The following PTPRM variants were observed in gnomAD, a reference collection of about 807,000 sequenced individuals.
PTPRM encodes receptor-type tyrosine-protein phosphatase mu.
In PTPRM, 47 loss-of-function variants were observed where a neutral mutation model predicts 186.7. The observed-to-expected ratio is 0.25, with a 90% CI of 0.20 to 0.32. The LOEUF is 0.32. Ranked by LOEUF, PTPRM falls within the 10% of genes least tolerant of loss-of-function variation. The probability of loss-of-function intolerance (pLI) is 1.00; values close to 1 mark genes in which losing one functional copy is unlikely to be tolerated. For synonymous variants in PTPRM, 668 were observed against 674.9 expected (o/e 0.99, Z 0.16); for missense variants, 1,494 against 1,865.0 (o/e 0.80, Z 3.66).
chr18:8,025,023 A>T (rs544306341), intron 7 of PTPRM, among the ~76,000 whole-genome samples: 1 of 152,122 alleles, frequency 6.6e-6, no homozygotes, highest in African/African-American at 2.4e-5. Context: ...CTTACTTTAT[A>T]TGCAGAACTA....
At chr18:8,000,409 G>T (rs370924909) in intron 7 of PTPRM, among the ~76,000 whole-genome samples, 2 of 152,164 alleles carry the variant, frequency 1.3e-5, no homozygotes, top group Non-Finnish European at 2.9e-5. Flanking sequence ...CTCTTTTGAT[G>T]TATAATGGTC....
At chr18:7,713,713 A>T (rs910862756) in intron 1 of PTPRM, among the ~76,000 whole-genome samples, 1 of 145,378 alleles carries the variant, frequency 6.9e-6, no homozygotes, top group Non-Finnish European at 1.5e-5. Context: ...AAAAAAAAAA[A>T]GGAGGGGTCG....
chr18:8,188,884 G>T (rs901318071), intron 14 of PTPRM, among the ~76,000 whole-genome samples: 4 of 152,134 alleles, frequency 2.6e-5, no homozygotes. Flanking sequence ...AAATTTTATG[G>T]CATAAATATA....
At chr18:8,114,914 CT>C (rs3214345) in intron 13 of PTPRM, 87 bp downstream of exon 13, 18,091 of 1,039,666 alleles carry the variant, frequency 0.017, 270 homozygotes, top group South Asian at 0.048. Context: ...TGAACTGGAA[CT>C]TAATTGAAAA....
chr18:8,312,585 T>C (rs1044733027), intron 20 of PTPRM, among the ~76,000 whole-genome samples: 7 of 152,150 alleles, frequency 4.6e-5, no homozygotes, highest in Non-Finnish European at 8.8e-5. Flanking sequence ...TGTATTATTT[T>C]GATGCTCACA....
intron 20 of PTPRM, among the ~76,000 whole-genome samples, chr18:8,299,616 A>G (rs1331401523): frequency 6.6e-6 from 1 of 152,172 alleles, no homozygotes; most frequent in African/African-American, 2.4e-5. Context: ...GGAAGATAAT[A>G]AAACACAAGA....
At position 8,176,323 on chromosome 18, in the gene PTPRM, G is replaced by A. The variant is rs185168632; in HGVS notation, c.2300+32544G>A. ...CTACTGCAATCTCAAAAAATAGGCC[G>A]AATAGCCATCTATTGCCAGTGATTT... On this transcript the variant is annotated intron_variant, in intron 14 of 32. Coordinates refer to ENST00000580170, the MANE Select transcript of PTPRM (RefSeq NM_001105244.2). Among the ~76,000 whole-genome samples the A allele has an allele frequency of 3.7e-4, 56 of 152,278 alleles. 2 individuals are homozygous for A. The highest frequency in any genetic ancestry group is 6.8e-3 in the Middle Eastern group (2 of 294).
At chr18:8,391,270 G>T (rs1251479127) in intron 31 of PTPRM, among the ~76,000 whole-genome samples, 1 of 152,178 alleles carries the variant, frequency 6.6e-6, no homozygotes, top group Non-Finnish European at 1.5e-5. Flanking sequence ...AGAAATGACT[G>T]CAGAAATGAA....
intron 22 of PTPRM, among the ~76,000 whole-genome samples, chr18:8,342,114 G>A (rs944649211): frequency 1.3e-5 from 2 of 152,196 alleles, no homozygotes; most frequent in Non-Finnish European, 2.9e-5. Flanking sequence ...GGCCTGGACA[G>A]GGAGGAAGGA....
intron 2 of PTPRM, among the ~76,000 whole-genome samples, chr18:7,789,154 C>T (rs561144269): frequency 6.6e-6 from 1 of 152,052 alleles, no homozygotes; most frequent in South Asian, 2.1e-4. Flanking sequence ...AGACCTGTCT[C>T]TACAAAAATA....
chr18:7,727,727 A>G (rs144811503), intron 1 of PTPRM, among the ~76,000 whole-genome samples: 2 of 152,360 alleles, frequency 1.3e-5, no homozygotes, highest in African/African-American at 4.8e-5. Context: ...GAATGGATAA[A>G]TAGGTTTTCC....
At chr18:7,851,828 TAATG>T (rs1193854846) in intron 2 of PTPRM, among the ~76,000 whole-genome samples, 3 of 152,134 alleles carry the variant, frequency 2.0e-5, no homozygotes, top group Non-Finnish European at 2.9e-5. Context: ...TTCTAAGTAA[TAATG>T]GTTTTTTGGG....
At chr18:8,327,033 CT>C (rs1364722860) in intron 22 of PTPRM, among the ~76,000 whole-genome samples, 3 of 152,136 alleles carry the variant, frequency 2.0e-5, no homozygotes, top group Non-Finnish European at 1.5e-5. Flanking sequence ...TGTAAGTAGT[CT>C]TATGTAAACC....
At chr18:7,586,248 T>C (rs2036976083) in intron 1 of PTPRM, among the ~76,000 whole-genome samples, 1 of 152,066 alleles carries the variant, frequency 6.6e-6, no homozygotes, top group Admixed American at 6.6e-5. Flanking sequence ...TGTTTCAATA[T>C]CCGGGATCTT....
rs898652842 is a variant in PTPRM at position 7,568,114 on chromosome 18, G to A, written c.73+223G>A. ...GGCGGGCGGAGCGGACGGACCCCGA[G>A]GGCGAGCTCCCCAGCCGGGACTGCC... On this transcript the variant is annotated intron_variant, in intron 1 of 32. Coordinates refer to ENST00000580170, the MANE Select transcript of PTPRM (RefSeq NM_001105244.2). This position sits in a 1 kb window ranked among gnomAD's most constrained non-coding sequence, Gnocchi z 5.1. Among the ~76,000 whole-genome samples, 24 of 151,920 alleles carry A rather than the reference G, an allele frequency of 1.6e-4. No individual in the cohort carries two copies. Among genetic ancestry groups the A allele is most frequent in the Non-Finnish European group, 3.2e-4 (22 of 67,938 alleles).
chr18:7,914,059 G>T (rs1982285), intron 4 of PTPRM, among the ~76,000 whole-genome samples: 11,897 of 152,014 alleles, frequency 0.078, 731 homozygotes, highest in East Asian at 0.17. Context: ...CCCAAATTTA[G>T]ATTTTTTAAT....
At chr18:7,671,420 T>C (rs2039215632) in intron 1 of PTPRM, among the ~76,000 whole-genome samples, 1 of 152,194 alleles carries the variant, frequency 6.6e-6, no homozygotes, top group African/African-American at 2.4e-5. Flanking sequence ...CTTTTCACTA[T>C]ATAGCTCTGG....
At chr18:7,947,006 G>A (rs900480736) in intron 5 of PTPRM, 1 of 456,148 alleles carries the variant, frequency 2.2e-6, no homozygotes, top group South Asian at 1.5e-5. Context: ...CTGAACATAT[G>A]GGAGGCCTTG....
chr18:8,012,431 G>A (rs1013212334), intron 7 of PTPRM, among the ~76,000 whole-genome samples: 1 of 152,172 alleles, frequency 6.6e-6, no homozygotes, highest in Non-Finnish European at 1.5e-5. Context: ...TTACAATCAT[G>A]CCTCGATGAA....
Sources: allele counts gnomAD v4.1 joint callset (sites outside exome capture counted in the v4.1 genomes callset), GRCh38; gene constraint gnomAD v4.1.1; non-coding constraint Gnocchi (gnomAD v3.1); transcripts MANE v1.5; gene names NCBI Gene and HGNC (gene_info 2026-07-23, HGNC 2026-07-21).